Variants in ESRRG observed in about 807,000 individuals in gnomAD.
ESRRG encodes the protein estrogen-related receptor gamma.
Under a neutral mutation model 44.0 loss-of-function variants are expected in ESRRG, and 13 were observed. The observed-to-expected ratio is 0.30, with a 90% CI of 0.19 to 0.47. The LOEUF (loss-of-function observed/expected upper bound fraction) is 0.47. Among genes scored for constraint, ESRRG ranks in the 20% least tolerant of loss-of-function variants. The pLI is 1.00. For synonymous variants in ESRRG, 215 were observed against 214.6 expected, an observed-to-expected ratio of 1.00 and a Z score of -0.02; for missense variants, 395 against 580.6, an observed-to-expected ratio of 0.68 and a Z score of 3.29.
At chr1:216,674,967 C>G (rs1392648809) in intron 2 of ESRRG, among the ~76,000 whole-genome samples, 1 of 150,088 alleles carries the variant, frequency 6.7e-6, no homozygotes, top group Admixed American at 6.6e-5. Context: ...AGTTATGTAA[C>G]AGACAACAAA....
intron 2 of ESRRG, among the ~76,000 whole-genome samples, chr1:216,847,338 T>C (rs1211126869): frequency 6.6e-6 from 1 of 152,176 alleles, no homozygotes; most frequent in African/African-American, 2.4e-5. Context: ...ATAAACTATA[T>C]AGGGGCAGAC....
intron 3 of ESRRG, among the ~76,000 whole-genome samples, chr1:216,604,334 A>C (rs1294335902): frequency 1.3e-5 from 2 of 152,184 alleles, no homozygotes; most frequent in African/African-American, 2.4e-5. Flanking sequence ...CAGAGGAGTC[A>C]AAGCCAGTGG....
chr1:217,085,553 C>T (rs575490903), intron 1 of ESRRG, among the ~76,000 whole-genome samples: 1 of 133,756 alleles, frequency 7.5e-6, no homozygotes. Context: ...TGCAGTGGCG[C>T]CATCTCGGCT....
At chr1:217,043,576 A>C (rs1367291498) in intron 1 of ESRRG, among the ~76,000 whole-genome samples, 2 of 152,190 alleles carry the variant, frequency 1.3e-5, no homozygotes, top group Admixed American at 1.3e-4. Context: ...AGAATTTTAA[A>C]TTTAGCTACT....
intron 2 of ESRRG, among the ~76,000 whole-genome samples, chr1:216,828,936 C>T (rs1327791472): frequency 6.6e-6 from 1 of 152,048 alleles, no homozygotes; most frequent in Non-Finnish European, 1.5e-5. Context: ...GTCTCAATGC[C>T]CCATGGTTAG....
chr1:216,811,320 T>C (rs1340820801), intron 2 of ESRRG, among the ~76,000 whole-genome samples: 1 of 152,152 alleles, frequency 6.6e-6, no homozygotes, highest in African/African-American at 2.4e-5. Flanking sequence ...TCCACATTTG[T>C]AATGGGCTAC....
intron 5 of ESRRG, among the ~76,000 whole-genome samples, chr1:216,526,419 G>C (rs1367896438): frequency 1.3e-5 from 2 of 152,092 alleles, no homozygotes; most frequent in Non-Finnish European, 2.9e-5. Context: ...TCAGGACACA[G>C]GGAGAATACT....
intron 1 of ESRRG, among the ~76,000 whole-genome samples, chr1:216,976,766 T>C (rs1033775856): frequency 7.2e-5 from 11 of 152,280 alleles, no homozygotes; most frequent in Middle Eastern, 6.8e-3. Flanking sequence ...AAATGATGGA[T>C]TGTAGTCAAA....
chr1:216,825,975 A>T (rs980643045), intron 2 of ESRRG, among the ~76,000 whole-genome samples: 1 of 152,168 alleles, frequency 6.6e-6, no homozygotes, highest in African/African-American at 2.4e-5. Context: ...GGGTCAATCA[A>T]TGTTGACTTT....
chr1:216,994,188 A>G (rs1185733636), intron 1 of ESRRG, among the ~76,000 whole-genome samples: 1 of 152,232 alleles, frequency 6.6e-6, no homozygotes, highest in African/African-American at 2.4e-5. Flanking sequence ...AATGGGCTAT[A>G]GAGTCACTCA....
At chr1:216,596,243 T>G (rs1369214084) in intron 3 of ESRRG, among the ~76,000 whole-genome samples, 2 of 152,212 alleles carry the variant, frequency 1.3e-5, no homozygotes, top group Non-Finnish European at 2.9e-5. Context: ...GCGAGAGCTT[T>G]TCATCTTCAG....
intron 2 of ESRRG, among the ~76,000 whole-genome samples, chr1:216,763,852 T>G (rs1165877181): frequency 6.6e-6 from 1 of 152,170 alleles, no homozygotes; most frequent in Non-Finnish European, 1.5e-5. Flanking sequence ...AATAATGGCC[T>G]ATGTAGGTTT....
intron 1 of ESRRG, among the ~76,000 whole-genome samples, chr1:216,984,639 A>G (rs2074564909): frequency 6.6e-6 from 1 of 152,236 alleles, no homozygotes; most frequent in Admixed American, 6.5e-5. Flanking sequence ...AACATTGCTG[A>G]AATCTCTAGG....
intron 2 of ESRRG, among the ~76,000 whole-genome samples, chr1:216,844,038 T>C (rs1011607176): frequency 6.6e-6 from 1 of 152,116 alleles, no homozygotes; most frequent in Non-Finnish European, 1.5e-5. Context: ...ATGCAGCACT[T>C]AGACAATGAA....
intron 2 of ESRRG, among the ~76,000 whole-genome samples, chr1:216,811,103 T>G (rs1300830138): frequency 6.6e-6 from 1 of 152,092 alleles, no homozygotes; most frequent in Non-Finnish European, 1.5e-5. Context: ...AGCACAAATA[T>G]GAAGAATGTG....
chr1:216,635,510 A>C (rs2065117145), intron 3 of ESRRG, among the ~76,000 whole-genome samples: 1 of 152,188 alleles, frequency 6.6e-6, no homozygotes, highest in African/African-American at 2.4e-5. Flanking sequence ...ACAGATTAGC[A>C]TGTGCAAAAG....
intron 5 of ESRRG, among the ~76,000 whole-genome samples, chr1:216,519,718 T>C (rs1365076730): frequency 3.3e-5 from 5 of 151,780 alleles, no homozygotes; most frequent in African/African-American, 1.2e-4. Flanking sequence ...TTAAATATAC[T>C]TGATTTCTGG....
chr1:216,835,682 T>C (rs1316629045), intron 2 of ESRRG, among the ~76,000 whole-genome samples: 1 of 152,122 alleles, frequency 6.6e-6, no homozygotes, highest in Non-Finnish European at 1.5e-5. Flanking sequence ...TGCCTAAACC[T>C]CCATTTAACT....
At chr1:216,779,266 TA>T (rs1379218259) in intron 2 of ESRRG, among the ~76,000 whole-genome samples, 1 of 22,746 alleles carries the variant, frequency 4.4e-5, no homozygotes, top group East Asian at 1.2e-3. Context: ...AATATAAATA[TA>T]TATTTATATT....
Sources: gnomAD v4.1 joint callset for allele counts (sites outside exome capture counted in the v4.1 genomes callset) on GRCh38, gnomAD v4.1.1 for gene constraint, MANE v1.5 for transcripts, NCBI Gene and HGNC (gene_info 2026-07-23, HGNC 2026-07-21) for gene names.